Variants in HS3ST5 observed in about 807,000 individuals in gnomAD.
The protein encoded by HS3ST5 is heparan sulfate-glucosamine 3-sulfotransferase 5.
In HS3ST5, 10 loss-of-function variants were observed where a neutral mutation model predicts 25.4. That is an observed-to-expected ratio of 0.39 (90% confidence interval 0.24 to 0.67). HS3ST5 has a LOEUF of 0.67. Among genes scored for constraint, HS3ST5 ranks in the 30% least tolerant of loss-of-function variants. The probability of loss-of-function intolerance (pLI) is 0.44; values close to 1 mark genes in which losing one functional copy is unlikely to be tolerated. For synonymous variants in HS3ST5, 170 were observed against 162.4 expected, an observed-to-expected ratio of 1.05 and a Z score of -0.36; for missense variants, 324 against 420.7, an observed-to-expected ratio of 0.77 and a Z score of 2.01.
chr6:114,198,116 A>T (rs1448540568), intron 2 of HS3ST5, among the ~76,000 whole-genome samples: 6 of 152,100 alleles, frequency 3.9e-5, no homozygotes, highest in Non-Finnish European at 8.8e-5. Context: ...GGAATTGAAA[A>T]GTTCACTAGA....
chr6:114,242,357 G>A (rs1772168458), intron 1 of HS3ST5, among the ~76,000 whole-genome samples: 1 of 152,052 alleles, frequency 6.6e-6, no homozygotes, highest in Admixed American at 6.5e-5. Flanking sequence ...GACTCATGAT[G>A]TATTTCCATT....
intron 1 of HS3ST5, among the ~76,000 whole-genome samples, chr6:114,260,552 C>G (rs1355679985): frequency 6.6e-6 from 1 of 152,132 alleles, no homozygotes; most frequent in African/African-American, 2.4e-5. Context: ...AACTAGAACG[C>G]ACAGTTTTCT....
Position 114,084,678 on chromosome 6 carries a change from T to C in HS3ST5, c.-32-21801A>G, listed in dbSNP as rs146979250. The C allele has an allele frequency of 7.3e-4, 912 of 1,245,580 alleles. 4 individuals are homozygous for C. The African/African-American group carries it at 0.012, about 16-fold the overall frequency. 77.2% of individuals were successfully genotyped at this position (1,245,580 alleles called of 1,614,324 possible). A position where few individuals can be genotyped will look rare whatever the true frequency, so the allele number is the denominator to read the frequency against. ...GGCTGATGGTCAGCCCTGGGGTCAG[T>C]AACCACAAGAAGCCGTGGCTCCTGG... On this transcript the variant is annotated intron_variant, in intron 3 of 4. Coordinates refer to ENST00000312719, the MANE Select transcript of HS3ST5 (RefSeq NM_153612.4).
intron 1 of HS3ST5, among the ~76,000 whole-genome samples, chr6:114,254,531 G>T (rs1175640239): frequency 1.3e-5 from 2 of 152,196 alleles, no homozygotes; most frequent in African/African-American, 4.8e-5. Context: ...TGCTTAGGAG[G>T]CAGAATTGGC....
chr6:114,127,522 C>T (rs773094732), intron 3 of HS3ST5, among the ~76,000 whole-genome samples: 63 of 151,902 alleles, frequency 4.1e-4, no homozygotes, highest in Non-Finnish European at 8.2e-4. Context: ...ATATTTAACC[C>T]AAAACAATTT....
chr6:114,329,811 T>C (rs1776317534), intron 1 of HS3ST5, among the ~76,000 whole-genome samples: 3 of 152,204 alleles, frequency 2.0e-5, no homozygotes, highest in Admixed American at 2.0e-4. Flanking sequence ...TAATTAATTA[T>C]CTTGTTGTAG....
chr6:114,313,400 G>C (rs1775618787), intron 1 of HS3ST5, among the ~76,000 whole-genome samples: 1 of 152,270 alleles, frequency 6.6e-6, no homozygotes, highest in Middle Eastern at 3.4e-3. Context: ...ATTCACAGCA[G>C]CTTTGTTTAT....
At position 114,141,354 on chromosome 6, in the gene HS3ST5, A is replaced by G. The variant is rs560742569; in HGVS notation, c.-33+26997T>C. On this transcript the variant is annotated intron_variant, in intron 3 of 4. Coordinates refer to ENST00000312719, the MANE Select transcript of HS3ST5 (RefSeq NM_153612.4). ...TAAATTTGTTCTTCAGCATATCAGT[A>G]TATCAGCAATGAAGAAGTCATTTTT... Among the ~76,000 whole-genome samples, 94 of 152,382 alleles carry G rather than the reference A, an allele frequency of 6.2e-4. 1 individual carries two copies. The highest frequency in any genetic ancestry group is 4.6e-3 in the South Asian group (22 of 4,826).
intron 1 of HS3ST5, among the ~76,000 whole-genome samples, chr6:114,270,971 A>T (rs758023668): frequency 6.6e-6 from 1 of 152,060 alleles, no homozygotes; most frequent in Admixed American, 6.6e-5. Context: ...CCCCAAGTAG[A>T]CTTATTATAA....
At chr6:114,208,135 C>A (rs1298540946) in intron 2 of HS3ST5, among the ~76,000 whole-genome samples, 4 of 152,190 alleles carry the variant, frequency 2.6e-5, no homozygotes, top group Non-Finnish European at 5.9e-5. Context: ...CCCTAGCCAA[C>A]TGAAAACTTA....
chr6:114,116,150 A>G (rs1407663513), intron 3 of HS3ST5: 1 of 152,080 alleles, frequency 6.6e-6, no homozygotes, highest in Non-Finnish European at 1.5e-5. Context: ...TCAGAAGAAA[A>G]CCAAATGAGA....
At chr6:114,261,056 ACT>A (rs1773147692) in intron 1 of HS3ST5, among the ~76,000 whole-genome samples, 1 of 152,162 alleles carries the variant, frequency 6.6e-6, no homozygotes, top group Non-Finnish European at 1.5e-5. Flanking sequence ...TATCTGAGCA[ACT>A]CATCGAGTAT....
At chr6:114,266,311 A>G (rs997103860) in intron 1 of HS3ST5, among the ~76,000 whole-genome samples, 1 of 152,224 alleles carries the variant, frequency 6.6e-6, no homozygotes, top group African/African-American at 2.4e-5. Context: ...GAATTTGACT[A>G]AGAGAAAAAT....
At chr6:114,273,744 T>A (rs1343807804) in intron 1 of HS3ST5, among the ~76,000 whole-genome samples, 1 of 152,008 alleles carries the variant, frequency 6.6e-6, no homozygotes, top group Non-Finnish European at 1.5e-5. Flanking sequence ...GACCTCTGTA[T>A]GTGCAAGATG....
At chr6:114,304,871 G>A (rs1775224371) in intron 1 of HS3ST5, among the ~76,000 whole-genome samples, 1 of 152,044 alleles carries the variant, frequency 6.6e-6, no homozygotes, top group Admixed American at 6.6e-5. Context: ...AGATGTTTTG[G>A]TTGATGTATA....
At chr6:114,076,818 A>G (rs989279836) in intron 3 of HS3ST5, among the ~76,000 whole-genome samples, 5 of 152,220 alleles carry the variant, frequency 3.3e-5, no homozygotes, top group African/African-American at 1.2e-4. Context: ...TGGGGTAGAG[A>G]TTAAGAGGAA....
intron 1 of HS3ST5, among the ~76,000 whole-genome samples, chr6:114,314,457 A>C (rs1775668093): frequency 6.6e-6 from 1 of 152,218 alleles, no homozygotes; most frequent in Admixed American, 6.5e-5. Flanking sequence ...TTGAAGTTGA[A>C]ATCCATATAT....
At chr6:114,296,504 G>A in intron 1 of HS3ST5, among the ~76,000 whole-genome samples, 1 of 152,296 alleles carries the variant, frequency 6.6e-6, no homozygotes, top group African/African-American at 2.4e-5. Context: ...CCATAGAAAG[G>A]AAAATAAATA....
At chr6:114,212,005 CT>C (rs1329003768) in intron 2 of HS3ST5, among the ~76,000 whole-genome samples, 2 of 152,214 alleles carry the variant, frequency 1.3e-5, no homozygotes, top group Non-Finnish European at 1.5e-5. Context: ...TTTGTGAGAA[CT>C]GGCAACCAGA....
Sources: gnomAD v4.1 joint callset for allele counts (sites outside exome capture counted in the v4.1 genomes callset) on GRCh38, gnomAD v4.1.1 for gene constraint, MANE v1.5 for transcripts, NCBI Gene and HGNC (gene_info 2026-07-23, HGNC 2026-07-21) for gene names.